Variants in CLMP observed in about 807,000 individuals in gnomAD.
CLMP encodes the protein CXADR like cell adhesion molecule.
CLMP carries 27 observed loss-of-function variants against 45.2 expected under a neutral mutation model. The observed-to-expected ratio is 0.60, with a 90% CI of 0.44 to 0.82. The LOEUF (loss-of-function observed/expected upper bound fraction) is 0.82. CLMP is among the 40% of genes least tolerant of loss of function. The pLI is 0.00. For missense variants in CLMP, 403 were observed against 448.4 expected (o/e 0.90, Z 0.91); for synonymous variants, 167 against 171.4 (o/e 0.97, Z 0.20).
chr11:123,105,383 C>CCCTCCCTTCCTTCCTT (rs1423655529), intron 1 of CLMP, among the ~76,000 whole-genome samples: 1 of 51,868 alleles, frequency 1.9e-5, no homozygotes, highest in East Asian at 6.2e-4. Context: ...CTCCCTCCCT[C>CCCTCCCTTCCTTCCTT]CCTTCCTTCC....
In CLMP at chr11:123,162,043, G is replaced by A. The variant is rs1339104235; in HGVS notation, c.28+32870C>T. Reference sequence around the variant, plus strand: ...GCAACAGGAAAGATGCAGAGATGCAGAGAACATGGCCCCAACCTGAAGAAG... The same window carrying A: ...GCAACAGGAAAGATGCAGAGATGCAAAGAACATGGCCCCAACCTGAAGAAG... On this transcript the variant is annotated intron_variant, in intron 1 of 6. Coordinates refer to ENST00000448775, the MANE Select transcript of CLMP (RefSeq NM_024769.5). 3.9e-5 allele frequency among the ~76,000 whole-genome samples: 6 copies of A among 152,232 alleles called. No individual in the cohort carries two copies. In the South Asian group the frequency reaches 1.0e-3, roughly 26 times the overall value.
chr11:123,183,861 C>A (rs1330976481), intron 1 of CLMP, among the ~76,000 whole-genome samples: 1 of 152,046 alleles, frequency 6.6e-6, no homozygotes, highest in African/African-American at 2.4e-5. Context: ...GGCTGCCACT[C>A]ATAATGGGGC....
At chr11:123,118,969 CTTTCTTTCTTTCTTTCTT>C (rs1860761985) in intron 1 of CLMP, among the ~76,000 whole-genome samples, 1 of 44,300 alleles carries the variant, frequency 2.3e-5, no homozygotes, top group Admixed American at 3.0e-4. Context: ...TTCTTTCTTT[CTTTCTTTCTTTCTTTCTT>C]TCTTTCTTTC....
At chr11:123,111,810 A>T (rs185812477) in intron 1 of CLMP, among the ~76,000 whole-genome samples, 1 of 152,360 alleles carries the variant, frequency 6.6e-6, no homozygotes, top group Admixed American at 6.5e-5. Context: ...TTTGAGAGGA[A>T]CTTTTCCCAG....
intron 2 of CLMP, among the ~76,000 whole-genome samples, chr11:123,091,713 G>C (rs150472716): frequency 1.3e-5 from 2 of 152,304 alleles, no homozygotes; most frequent in African/African-American, 4.8e-5. Context: ...AAATTTGTCT[G>C]TGTAACTGGA....
chr11:123,144,525 C>T (rs1405135608), intron 1 of CLMP, among the ~76,000 whole-genome samples: 2 of 152,160 alleles, frequency 1.3e-5, no homozygotes, highest in Admixed American at 6.5e-5. Flanking sequence ...GCATGTGCCA[C>T]CATGCCCACT....
chr11:123,184,522 G>C (rs183841279), intron 1 of CLMP, among the ~76,000 whole-genome samples: 1 of 152,144 alleles, frequency 6.6e-6, no homozygotes, highest in African/African-American at 2.4e-5. Flanking sequence ...CTGGCGAGGC[G>C]GAAGCAAAAG....
chr11:123,146,291 G>A (rs1385167140), intron 1 of CLMP, among the ~76,000 whole-genome samples: 1 of 152,106 alleles, frequency 6.6e-6, no homozygotes, highest in African/African-American at 2.4e-5. Context: ...CCAGCATTTT[G>A]GGAGTATATA....
At chr11:123,136,069 T>G in intron 1 of CLMP, 1 of 602,228 alleles carries the variant, frequency 1.7e-6, no homozygotes, top group Middle Eastern at 3.1e-4. Flanking sequence ...TTTGCTTTGT[T>G]TGAATCTTTT....
At chr11:123,126,423 A>G (rs1173967819) in intron 1 of CLMP, among the ~76,000 whole-genome samples, 1 of 152,188 alleles carries the variant, frequency 6.6e-6, no homozygotes, top group Non-Finnish European at 1.5e-5. Context: ...TCAACTATTT[A>G]CCAGTCCTAT....
At chr11:123,095,861 G>C (rs745708069) in intron 2 of CLMP, among the ~76,000 whole-genome samples, 3 of 152,162 alleles carry the variant, frequency 2.0e-5, no homozygotes, top group African/African-American at 7.2e-5. Context: ...TGCTCAAAAT[G>C]TATTCTACGA....
chr11:123,119,654 T>A (rs138320314), intron 1 of CLMP, among the ~76,000 whole-genome samples: 27 of 152,262 alleles, frequency 1.8e-4, no homozygotes, highest in African/African-American at 6.3e-4. Context: ...GTTTTCCTCC[T>A]ACCAGTTCAT....
intron 1 of CLMP, among the ~76,000 whole-genome samples, chr11:123,127,414 G>A (rs550338285): frequency 2.0e-5 from 3 of 152,240 alleles, no homozygotes; most frequent in South Asian, 2.1e-4. Context: ...GAGCCACAGC[G>A]CCCAGCCCAC....
chr11:123,172,094 G>A (rs1030119141), intron 1 of CLMP, among the ~76,000 whole-genome samples: 1 of 151,910 alleles, frequency 6.6e-6, no homozygotes, highest in Non-Finnish European at 1.5e-5. Flanking sequence ...TGTTTTACGA[G>A]CAGTGTTATA....
At chr11:123,074,966 T>C (rs1865720188) in intron 5 of CLMP, 123 bp from the exon 6 acceptor site, 5 of 1,222,572 alleles carry the variant, frequency 4.1e-6, no homozygotes, top group African/African-American at 1.5e-5. Context: ...TTTGTTTTTT[T>C]TTTTTTGAGA....
At chr11:123,080,405 A>G (rs944731747) in intron 5 of CLMP, among the ~76,000 whole-genome samples, 1 of 148,980 alleles carries the variant, frequency 6.7e-6, no homozygotes, top group Non-Finnish European at 1.5e-5. Flanking sequence ...TAGGCTCACT[A>G]CAACTTCCAC....
chr11:123,078,639 G>T (rs201613380), intron 5 of CLMP, among the ~76,000 whole-genome samples: 22,383 of 143,262 alleles, frequency 0.16, 1,750 homozygotes, highest in East Asian at 0.27. Flanking sequence ...GTTTTTTTTG[G>T]TTTTTTTTGT....
intron 1 of CLMP, among the ~76,000 whole-genome samples, chr11:123,153,021 T>G (rs34817879): frequency 0.18 from 28,068 of 152,164 alleles, 2,761 homozygotes; most frequent in Middle Eastern, 0.23. Context: ...ACGTTTATTC[T>G]TTTTTCCTAA....
chr11:123,107,307 C>T (rs149831190), intron 1 of CLMP, among the ~76,000 whole-genome samples: 7 of 151,886 alleles, frequency 4.6e-5, no homozygotes, highest in Middle Eastern at 3.4e-3. Context: ...CTCAGCTCAC[C>T]GAAACCTCGG....
Sources: allele counts gnomAD v4.1 joint callset (sites outside exome capture counted in the v4.1 genomes callset), GRCh38; gene constraint gnomAD v4.1.1; transcripts MANE v1.5; gene names NCBI Gene and HGNC (gene_info 2026-07-23, HGNC 2026-07-21).